Variants in DTNB observed in about 807,000 individuals in gnomAD.
The protein encoded by DTNB is dystrobrevin beta.
DTNB carries 63 observed loss-of-function variants against 90.7 expected under a neutral mutation model. That is an observed-to-expected ratio of 0.69 (90% confidence interval 0.57 to 0.86). The LOEUF (loss-of-function observed/expected upper bound fraction) is 0.86. Among genes scored for constraint, DTNB ranks in the 40% least tolerant of loss-of-function variants. The probability of loss-of-function intolerance (pLI) is 0.00; values close to 1 mark genes in which losing one functional copy is unlikely to be tolerated. For missense variants in DTNB, 744 were observed against 807.1 expected (o/e 0.92, Z 0.95); for synonymous variants, 277 against 286.7 (o/e 0.97, Z 0.34).
chr2:25,548,371 TAGA>T, intron 8 of DTNB, among the ~76,000 whole-genome samples: 1 of 152,268 alleles, frequency 6.6e-6, no homozygotes, highest in East Asian at 1.9e-4. Flanking sequence ...TCCATAAAGT[TAGA>T]AGTTTATATT....
At chr2:25,542,197 C>T (rs1224583972) in intron 8 of DTNB, among the ~76,000 whole-genome samples, 1 of 152,148 alleles carries the variant, frequency 6.6e-6, no homozygotes, top group Non-Finnish European at 1.5e-5. Context: ...TCGCTGCAAC[C>T]TCCACCTCCT....
At chr2:25,383,770 G>C (rs2038602942) in intron 19 of DTNB, 66 bp downstream of exon 19, 1 of 1,613,600 alleles carries the variant, frequency 6.2e-7, no homozygotes, top group South Asian at 1.1e-5. Flanking sequence ...AAACAAAGTG[G>C]GGGGCGGCTG....
chr2:25,379,706 A>T lies in DTNB; in HGVS notation c.1880-383T>A, dbSNP rs2037019945. 4 of 211,168 alleles carry T rather than the reference A, an allele frequency of 1.9e-5. No homozygotes were observed. In the Admixed American group the frequency reaches 2.4e-4, roughly 13 times the overall value. 13.1% of individuals were successfully genotyped at this position (211,168 alleles called of 1,614,324 possible). Reference sequence around the variant, plus strand: ...CCCCTCCTGCAGATGGTCTGCTTTGAAAAGCCCTGCGCTTGCTCACCCGAG... The same window carrying T: ...CCCCTCCTGCAGATGGTCTGCTTTGTAAAGCCCTGCGCTTGCTCACCCGAG... On this transcript the variant is annotated intron_variant, in intron 19 of 20. Transcript: ENST00000406818.
intron 18 of DTNB, among the ~76,000 whole-genome samples, chr2:25,384,167 G>A (rs567281825): frequency 1.5e-4 from 23 of 152,372 alleles, no homozygotes; most frequent in African/African-American, 4.1e-4. Flanking sequence ...GTGGGGTTGC[G>A]TGCCTCTGTT....
intron 10 of DTNB, among the ~76,000 whole-genome samples, chr2:25,456,399 A>T (rs996149179): frequency 1.3e-5 from 2 of 152,174 alleles, no homozygotes; most frequent in African/African-American, 4.8e-5. Flanking sequence ...ACACCTAAAA[A>T]CACAGACAAA....
intron 3 of DTNB, among the ~76,000 whole-genome samples, chr2:25,633,136 A>G (rs181427274): frequency 9.7e-4 from 148 of 152,308 alleles, no homozygotes; most frequent in Non-Finnish European, 4.0e-4. Context: ...CATCAGCAAC[A>G]TAACAATGAA....
intron 12 of DTNB, among the ~76,000 whole-genome samples, chr2:25,437,489 T>G (rs1479149315): frequency 6.6e-6 from 1 of 152,190 alleles, no homozygotes; most frequent in Non-Finnish European, 1.5e-5. Context: ...CTCAAACTCC[T>G]GACCTCAAGT....
At chr2:25,568,709 G>A (rs2059397369) in intron 8 of DTNB, among the ~76,000 whole-genome samples, 1 of 152,338 alleles carries the variant, frequency 6.6e-6, no homozygotes, top group Non-Finnish European at 1.5e-5. Flanking sequence ...GGGACAGAGT[G>A]TAATTTCCAA....
intron 8 of DTNB, among the ~76,000 whole-genome samples, chr2:25,550,120 G>A (rs145664280): frequency 0.034 from 5,137 of 152,146 alleles, 126 homozygotes; most frequent in Non-Finnish European, 0.056. Context: ...GGCCGGGCGC[G>A]GTGGCTCACG....
chr2:25,452,553 G>C (rs2059437787), intron 11 of DTNB, among the ~76,000 whole-genome samples: 1 of 152,108 alleles, frequency 6.6e-6, no homozygotes, highest in South Asian at 2.1e-4. Context: ...CTATGTTCTT[G>C]GGTTTCCAAA....
intron 4 of DTNB, among the ~76,000 whole-genome samples, chr2:25,611,768 G>A (rs2068691859): frequency 6.6e-6 from 1 of 152,118 alleles, no homozygotes; most frequent in Admixed American, 6.5e-5. Flanking sequence ...AAGTCCAGGG[G>A]TTTGGGACCA....
chr2:25,549,124 T>C (rs1254008721), intron 8 of DTNB, among the ~76,000 whole-genome samples: 1 of 151,964 alleles, frequency 6.6e-6, no homozygotes, highest in East Asian at 1.9e-4. Flanking sequence ...AGCACCTAAG[T>C]GGTTTTTGTT....
intron 3 of DTNB, among the ~76,000 whole-genome samples, chr2:25,635,344 T>C (rs1456076990): frequency 6.6e-6 from 1 of 151,968 alleles, no homozygotes; most frequent in Non-Finnish European, 1.5e-5. Flanking sequence ...GGCAGGAGAA[T>C]CAAACCTAGG....
intron 16 of DTNB, among the ~76,000 whole-genome samples, chr2:25,403,200 C>T (rs1347393841): frequency 6.6e-6 from 1 of 152,184 alleles, no homozygotes; most frequent in African/African-American, 2.4e-5. Context: ...ACTGCAACCT[C>T]CGCCTCCTGG....
At chr2:25,636,046 A>G (rs933851747) in intron 3 of DTNB, among the ~76,000 whole-genome samples, 4 of 152,202 alleles carry the variant, frequency 2.6e-5, no homozygotes, top group Admixed American at 2.6e-4. Flanking sequence ...TGAATATGGG[A>G]AGACTCTTTA....
At chr2:25,646,964 ACT>A (rs2079607182) in intron 2 of DTNB, among the ~76,000 whole-genome samples, 1 of 152,278 alleles carries the variant, frequency 6.6e-6, no homozygotes, top group African/African-American at 2.4e-5. Flanking sequence ...GACAAAATAA[ACT>A]CTTCAGTGAC....
At chr2:25,540,836 G>T (rs1010739732) in intron 8 of DTNB, among the ~76,000 whole-genome samples, 1 of 152,016 alleles carries the variant, frequency 6.6e-6, no homozygotes, top group African/African-American at 2.4e-5. Flanking sequence ...ACAGATGCTT[G>T]AAGGCAGCAT....
At chr2:25,534,520 C>T (rs62130084) in intron 8 of DTNB, among the ~76,000 whole-genome samples, 4,360 of 152,092 alleles carry the variant, frequency 0.029, 100 homozygotes, top group Non-Finnish European at 0.036. Context: ...GCTGTCTCTT[C>T]GGAGCTGCTG....
chr2:25,576,650 A>G (rs918993488), intron 8 of DTNB, 188 bp downstream of exon 8: 1 of 701,732 alleles, frequency 1.4e-6, no homozygotes, highest in Non-Finnish European at 2.2e-6. Flanking sequence ...TGGAATTTTT[A>G]AAAATTCTGC....
Sources: gnomAD v4.1 joint callset for allele counts (sites outside exome capture counted in the v4.1 genomes callset) on GRCh38, gnomAD v4.1.1 for gene constraint, MANE v1.5 for transcripts, NCBI Gene and HGNC (gene_info 2026-07-23, HGNC 2026-07-21) for gene names.